The following FRMD8 variants were observed in gnomAD, a reference collection of about 807,000 sequenced individuals.
The protein encoded by FRMD8 is FERM domain-containing protein 8.
A neutral mutation model predicts 54.2 loss-of-function variants in FRMD8; 37 were observed. That is an observed-to-expected ratio of 0.68 (90% CI 0.53 to 0.90). The LOEUF (loss-of-function observed/expected upper bound fraction) is 0.90. Ranked by LOEUF, FRMD8 falls within the 40% of genes least tolerant of loss-of-function variation. The pLI, the probability that FRMD8 is intolerant of heterozygous loss-of-function variation, is 0.00. For missense variants in FRMD8, 585 were observed against 653.7 expected (o/e 0.89, Z 1.15); for synonymous variants, 246 against 286.9 (o/e 0.86, Z 1.44).
the FRMD8 span, among the ~76,000 whole-genome samples, chr11:65,368,855 G>A: frequency 6.6e-6 from 1 of 152,182 alleles, no homozygotes; most frequent in East Asian, 1.9e-4. Context: ...GAGCCACCAC[G>A]CCCGGTCTAC....
intron 4 of FRMD8, 94 bp downstream of exon 4, chr11:65,393,768 G>T (rs1044847939): frequency 1.8e-6 from 2 of 1,109,836 alleles, no homozygotes; most frequent in African/African-American, 1.5e-5. Flanking sequence ...GCAAGGAGCT[G>T]CCCTGGCTGA....
At chr11:65,410,654 G>T (rs1170075383) in intron 10 of FRMD8, among the ~76,000 whole-genome samples, 3 of 152,196 alleles carry the variant, frequency 2.0e-5, no homozygotes, top group Non-Finnish European at 4.4e-5. Flanking sequence ...GCTGGGCGCC[G>T]TGGCGGGCGC....
At chr11:65,376,196 A>T in the FRMD8 span, 4 of 621,440 alleles carry the variant, frequency 6.4e-6, no homozygotes, top group Admixed American at 1.2e-4. Context: ...CAAAGGAGTC[A>T]AGGCCAGCTA....
At chr11:65,372,905 C>T in the FRMD8 span, among the ~76,000 whole-genome samples, 1 of 152,150 alleles carries the variant, frequency 6.6e-6, no homozygotes, top group African/African-American at 2.4e-5. Flanking sequence ...GCCTGGAATC[C>T]CTGGCGCTGC....
the FRMD8 span, chr11:65,379,867 G>T: frequency 6.2e-7 from 1 of 1,614,160 alleles, no homozygotes; most frequent in Non-Finnish European, 8.5e-7. Flanking sequence ...GGCCACTCAC[G>T]GACTCATGGC....
chr11:65,373,956 C>A, the FRMD8 span, among the ~76,000 whole-genome samples: 1 of 152,198 alleles, frequency 6.6e-6, no homozygotes, highest in Non-Finnish European at 1.5e-5. Context: ...TAGAAACTCA[C>A]AGTACCTTAC....
rs868577468 is a variant in FRMD8, at chr11:65,388,168, A to G, written c.85+1047A>G. On this transcript the variant is annotated intron_variant, in intron 2 of 10. Transcript: ENST00000317568. ...AACGAGGGTGAAACTCCGTCTCAAA[A>G]AAAAAAAAAAACAGGGATCATATCA... is the stretch of plus-strand genomic sequence containing the variant. Among the ~76,000 whole-genome samples the G allele has an allele frequency of 6.0e-3, 907 of 152,084 alleles. 9 individuals are homozygous for G. The highest frequency in any genetic ancestry group is 0.021 in the African/African-American group (868 of 41,494).
At chr11:65,399,582 C>A (rs902597619) in intron 7 of FRMD8, among the ~76,000 whole-genome samples, 154 bp from the exon 8 acceptor site, 1 of 152,204 alleles carries the variant, frequency 6.6e-6, no homozygotes, top group Non-Finnish European at 1.5e-5. Context: ...CCCTACGAAG[C>A]CTCCCCTTCA....
chr11:65,403,349 A>G (rs1306391785), intron 9 of FRMD8, among the ~76,000 whole-genome samples: 1 of 151,678 alleles, frequency 6.6e-6, no homozygotes, highest in Admixed American at 6.6e-5. Context: ...CACCCAGCTA[A>G]TTTTTGTATT....
rs1856050791 is a variant in FRMD8, at chr11:65,400,498, G to A, written c.928-226G>A. On this transcript the variant is annotated intron_variant, in intron 8 of 10. Transcript: ENST00000317568. This position sits in a 1 kb window ranked among gnomAD's most constrained non-coding sequence, Gnocchi z 4.3. ...TGCCTCCCCCGCTGTCAGGGGCTTG[G>A]CCTGCTGGTGGGACTGTTGTGGGAG... 6.6e-6 allele frequency among the ~76,000 whole-genome samples: 1 copy of A among 152,190 alleles called. No individual in the cohort carries two copies. Among genetic ancestry groups the A allele is most frequent in the Non-Finnish European group, 1.5e-5 (1 of 68,016 alleles).
intron 10 of FRMD8, 117 bp from the exon 11 acceptor site, chr11:65,411,125 T>G: frequency 1.3e-6 from 1 of 760,022 alleles, no homozygotes; most frequent in Non-Finnish European, 2.1e-6. Context: ...GGGAGCTCAG[T>G]CTGACCAGGC....
At chr11:65,409,764 G>A (rs1312911391) in intron 10 of FRMD8, among the ~76,000 whole-genome samples, 1 of 145,946 alleles carries the variant, frequency 6.9e-6, no homozygotes, top group Non-Finnish European at 1.5e-5. Context: ...AGACCCTGTC[G>A]CAAAAAAAAA....
chr11:65,371,462 C>T, the FRMD8 span, among the ~76,000 whole-genome samples: 1 of 152,180 alleles, frequency 6.6e-6, no homozygotes, highest in Non-Finnish European at 1.5e-5. Context: ...TCCTTTGTAA[C>T]CTCAAAGCAG....
rs750668920 is a variant in FRMD8 at position 65,396,928 on chromosome 11, G to T, written c.711G>T (p.Val237=). ...GCCTGCTGAACGCCTACCGCCAGGT[G>T]CAGGAGGTCAGCAGCGACGGCGGGT... ...EQGLLNAYRQ[V]QEVSSDGGCE... is the part of the protein sequence containing the mutation. The change falls in exon 7 of 11, where the codon GTG becomes GTT. Residue 237 remains valine, a synonymous_variant. Coordinates refer to ENST00000317568, the MANE Select transcript of FRMD8 (RefSeq NM_031904.5). 13 of 1,551,406 alleles carry T rather than the reference G, an allele frequency of 8.4e-6. No individual in the cohort carries two copies. Among genetic ancestry groups the T allele is most frequent in the Admixed American group, 3.8e-5 (2 of 52,362 alleles).
intron 3 of FRMD8, among the ~76,000 whole-genome samples, chr11:65,390,470 C>G (rs1855821426): frequency 6.6e-6 from 1 of 152,100 alleles, no homozygotes; most frequent in Non-Finnish European, 1.5e-5. Flanking sequence ...CCAAGGGGCC[C>G]CCAGCAGTTA....
Position 65,387,062 on chromosome 11 carries a change from G to T in FRMD8, c.26G>T (p.Gly9Val), listed in dbSNP as rs1191829891. 2 of 1,609,276 alleles carry T rather than the reference G, an allele frequency of 1.2e-6. No homozygotes were observed. Among genetic ancestry groups the T allele is most frequent in the East Asian group, 4.5e-5 (2 of 44,850 alleles). ...ATGGACGGGACAGAAGGCAGTGCCG[G>T]GCAGCCCGGCCCCGCTGAGCGATCC... is the stretch of plus-strand genomic sequence containing the variant. MDGTEGSA[G>V]QPGPAERSHR... Residue 9 changes from glycine to valine, a missense_variant, in exon 2 of 11, where the codon GGG becomes GTG. Coordinates refer to ENST00000317568, the MANE Select transcript of FRMD8 (RefSeq NM_031904.5).
chr11:65,377,131 C>T, the FRMD8 span: 4 of 1,559,278 alleles, frequency 2.6e-6, no homozygotes, highest in East Asian at 9.1e-5. Flanking sequence ...GGGAACTGGC[C>T]CCTTATATTC....
intron 9 of FRMD8, among the ~76,000 whole-genome samples, chr11:65,403,739 G>T (rs537633688): frequency 2.0e-5 from 3 of 152,224 alleles, no homozygotes; most frequent in Non-Finnish European, 2.9e-5. Flanking sequence ...CCTTTCTGAC[G>T]CTGGCTTGCT....
upstream of FRMD8, among the ~76,000 whole-genome samples, chr11:65,386,263 G>A (rs1164967558): frequency 1.3e-5 from 2 of 152,142 alleles, no homozygotes; most frequent in Non-Finnish European, 2.9e-5. Context: ...TGCCGAGAGC[G>A]CCACGGTACA....
Sources: gnomAD v4.1 joint callset for allele counts (sites outside exome capture counted in the v4.1 genomes callset) on GRCh38, gnomAD v4.1.1 for gene constraint, Gnocchi (gnomAD v3.1) non-coding constraint, MANE v1.5 for transcripts, NCBI Gene and HGNC (gene_info 2026-07-23, HGNC 2026-07-21) for gene names.